ACAN: variants seen among roughly 807,000 people sequenced by gnomAD.
ACAN encodes aggrecan core protein.
A neutral mutation model predicts 169.1 loss-of-function variants in ACAN; 47 were observed. The ratio of observed to expected loss-of-function variants is 0.28; its 90% CI spans 0.22 to 0.35. ACAN has a LOEUF of 0.35. Ranked by LOEUF, ACAN falls within the 10% of genes least tolerant of loss-of-function variation. The pLI, the probability that ACAN is intolerant of heterozygous loss-of-function variation, is 1.00. For synonymous variants in ACAN, 1,115 were observed against 1,112.2 expected (o/e 1.00, Z -0.05); for missense variants, 2,716 against 2,759.9 (o/e 0.98, Z 0.36).
chr15:88,845,640 G>A lies in ACAN; in HGVS notation c.1187G>A (p.Ser396Asn), dbSNP rs371018764. The A allele has an allele frequency of 1.2e-6, 2 of 1,613,952 alleles. No homozygotes were observed. The highest frequency in any genetic ancestry group is 2.7e-5 in the African/African-American group (2 of 74,956). The change falls in exon 7 of 19, where the codon AGC becomes AAC. Residue 396 changes from serine (S) to asparagine (N), a missense_variant. By Grantham distance (46) the Ser-to-Asn change is conservative. Coordinates refer to ENST00000560601, the MANE Select transcript of ACAN (RefSeq NM_001369268.1). ...ATCACTGAGGGTGAAGCCCGAGGCA[G>A]CGTGATCCTTACCGTAAAGCCCATC... ...RNITEGEARG[S>N]VILTVKPIFE...
Position 88,845,677 on chromosome 15 carries a change from C to T in ACAN, c.1224C>T (p.Ser408=). Residue 408 remains serine (S), a synonymous_variant, in exon 7 of 19, where the codon TCC becomes TCT. Transcript: ENST00000560601. ...CCGTAAAGCCCATCTTCGAGGTCTC[C>T]CCCAGTCCCCTGGAACCCGAGGAGC... ...ILTVKPIFEV[S]PSPLEPEEPF... The T allele has an allele frequency of 2.5e-6, 4 of 1,614,032 alleles. No individual in the cohort carries two copies. The highest frequency in any genetic ancestry group is 1.6e-4 in the Middle Eastern group (1 of 6,062).
Position 88,861,863 on chromosome 15 carries a change from G to GT in ACAN, c.6946+1425dup, listed in dbSNP as rs1411031695. ...TAATAGGAGTAAGTGTCAGTGGGCC[G>GT]TAACTATTCTGCTGTAAGGACAGCC... On this transcript the variant is annotated intron_variant, in intron 13 of 18. Coordinates refer to ENST00000560601, the MANE Select transcript of ACAN (RefSeq NM_001369268.1). This position sits in a 1 kb window ranked among gnomAD's most constrained non-coding sequence, Gnocchi z 6.3. Among the ~76,000 whole-genome samples the GT allele has an allele frequency of 6.6e-6, 1 of 152,188 alleles. No individual in the cohort carries two copies. Among genetic ancestry groups the GT allele is most frequent in the Non-Finnish European group, 1.5e-5 (1 of 68,034 alleles).
In ACAN at chr15:88,838,148, C is replaced by G. The variant is rs775886953; in HGVS notation, c.71-515C>G. ...CAAACAGCAGAAGAGAGTGACTTGT[C>G]CCGGTGGCAAAATCAGGCTCGCACC... On this transcript the variant is annotated intron_variant, in intron 2 of 18. Coordinates refer to ENST00000560601, the MANE Select transcript of ACAN (RefSeq NM_001369268.1). This position sits in a 1 kb window ranked among gnomAD's most constrained non-coding sequence, Gnocchi z 5.1. Among the ~76,000 whole-genome samples, 1 of 152,132 alleles carries G rather than the reference C, an allele frequency of 6.6e-6. No homozygotes were observed. The highest frequency in any genetic ancestry group is 1.5e-5 in the Non-Finnish European group (1 of 68,028).
Position 88,839,112 on chromosome 15 carries a change from T to G in ACAN, c.454+66T>G. On this transcript the variant is annotated intron_variant, in intron 3 of 18. Coordinates refer to ENST00000560601, the MANE Select transcript of ACAN (RefSeq NM_001369268.1). This position sits in a 1 kb window ranked among gnomAD's most constrained non-coding sequence, Gnocchi z 4.5. ...TAAAGAACCAGAGCAGTCTCCGCAG[T>G]GCAGGCGCAGGCAGGCTGGCCTTCA... The G allele has an allele frequency of 1.9e-6, 3 of 1,560,856 alleles. No individual in the cohort carries two copies. Among genetic ancestry groups the G allele is most frequent in the Non-Finnish European group, 2.6e-6 (3 of 1,159,448 alleles).
chr15:88,859,860 C>T (rs542378302), intron 12 of ACAN, among the ~76,000 whole-genome samples: 29 of 152,264 alleles, frequency 1.9e-4, no homozygotes, highest in Non-Finnish European at 3.4e-4. Context: ...AGTAAATCTG[C>T]TGATGGTGTT....
At position 88,845,858 on chromosome 15, in the gene ACAN, C is replaced by G; in HGVS notation, c.1405C>G (p.Pro469Ala). The change falls in exon 7 of 19, where the codon CCT (proline) becomes GCT (alanine). Residue 469 changes from proline (P) to alanine (A), a missense_variant. Transcript: ENST00000560601. Reference protein sequence around the residue: ...EDLVVQVTAVPGQPHLPGGVV... With the variant: ...EDLVVQVTAVAGQPHLPGGVV... ...CCTCGTCGTGCAGGTGACCGCTGTC[C>G]CTGGGCAGCCGCATTTGCCAGGGGG... The G allele has an allele frequency of 3.4e-6, 5 of 1,460,378 alleles. No individual in the cohort carries two copies. Among genetic ancestry groups the G allele is most frequent in the Non-Finnish European group, 4.5e-6 (5 of 1,102,460 alleles). 90.5% of individuals were successfully genotyped at this position (1,460,378 alleles called of 1,614,324 possible). A position where few individuals can be genotyped will look rare whatever the true frequency, so the allele number is the denominator to read the frequency against.
intron 1 of ACAN, among the ~76,000 whole-genome samples, chr15:88,830,188 G>C (rs1348804103): frequency 1.3e-5 from 2 of 152,192 alleles, no homozygotes; most frequent in African/African-American, 4.8e-5. Flanking sequence ...ACTGGCCTTG[G>C]TTTTAGGGCC....
At position 88,840,014 on chromosome 15, in the gene ACAN, A is replaced by G; in HGVS notation, c.457A>G (p.Ile153Val). 6.3e-7 allele frequency: 1 copy of G among 1,598,176 alleles called. No homozygotes were observed. The highest frequency in any genetic ancestry group is 8.5e-7 in the Non-Finnish European group (1 of 1,171,902). The change falls in exon 4 of 19, where the codon ATC (isoleucine) becomes GTC (valine). Residue 153 changes from isoleucine to valine, a missense_variant and splice_region_variant. Around this residue, in one of 3 missense-constraint regions of ACAN, gnomAD observed 1,283 missense variants for 1,281.5 expected, o/e 1.00. Coordinates refer to ENST00000560601, the MANE Select transcript of ACAN (RefSeq NM_001369268.1). ...EATLEVVVKG[I>V]VFHYRAISTR... is the part of the protein sequence containing the mutation. ...GTGGGCGTGTATGTGTCTTGCAGGC[A>G]TCGTGTTCCATTACAGAGCCATCTC...
At chr15:88,833,168 G>A (rs887123731) in intron 1 of ACAN, among the ~76,000 whole-genome samples, 2 of 152,206 alleles carry the variant, frequency 1.3e-5, no homozygotes. Context: ...TCTGGCTGAT[G>A]AGGAGGTGAA....
chr15:88,865,412 G>A (rs1897263866), intron 13 of ACAN, among the ~76,000 whole-genome samples: 1 of 152,134 alleles, frequency 6.6e-6, no homozygotes, highest in African/African-American at 2.4e-5. Context: ...CACCTCACTT[G>A]TTTTCTTTCT....
At chr15:88,860,089 T>G (rs960655395) in intron 12 of ACAN, among the ~76,000 whole-genome samples, 1 of 148,498 alleles carries the variant, frequency 6.7e-6, no homozygotes, top group African/African-American at 2.5e-5. Flanking sequence ...TTTTTTTTTT[T>G]TTTTGCTCTG....
At chr15:88,842,214 T>C (rs1288943565) in intron 5 of ACAN, among the ~76,000 whole-genome samples, 1 of 152,092 alleles carries the variant, frequency 6.6e-6, no homozygotes, top group Non-Finnish European at 1.5e-5. Flanking sequence ...CACCATGCTG[T>C]CAAAGTCCAG....
In ACAN at chr15:88,871,911, C is replaced by T; in HGVS notation, c.7220-92C>T. The T allele has an allele frequency of 8.5e-7, 1 of 1,180,196 alleles. No homozygotes were observed. The highest frequency in any genetic ancestry group is 1.7e-5 in the Admixed American group (1 of 58,718). 73.1% of individuals were successfully genotyped at this position (1,180,196 alleles called of 1,614,324 possible). ...CCTAGGAGCCCACCCACCTCCTTTC[C>T]TCCTCCATCCCCTCTGCCTCCGTGA... On this transcript the variant is annotated intron_variant, in intron 15 of 18. Transcript: ENST00000560601. The surrounding 1 kb of genome is among the most constrained non-coding windows in gnomAD (Gnocchi z 7.8).
chr15:88,830,866 G>A (rs1259629754), intron 1 of ACAN, among the ~76,000 whole-genome samples: 2 of 152,112 alleles, frequency 1.3e-5, no homozygotes, highest in Admixed American at 6.5e-5. Flanking sequence ...GCACTATGAC[G>A]CTACAACGGC....
intron 1 of ACAN, among the ~76,000 whole-genome samples, chr15:88,810,106 G>C (rs1018754809): frequency 2.6e-5 from 4 of 152,140 alleles, no homozygotes; most frequent in African/African-American, 7.2e-5. Flanking sequence ...GAGTCCCAGA[G>C]AGCGGAGGAC....
chr15:88,833,641 T>C (rs952549430), intron 1 of ACAN, among the ~76,000 whole-genome samples: 3 of 152,024 alleles, frequency 2.0e-5, no homozygotes, highest in Non-Finnish European at 2.9e-5. Context: ...AGCATATTTA[T>C]TGCGATATTT....
chr15:88,874,710 T>C lies in ACAN; in HGVS notation c.*229T>C, dbSNP rs563997728. ...ATGCCAAAGCAAAGCAAACTTATTA[T>C]AACCCTTGGACTGAGTTTAGAGACA... On this transcript the variant is annotated 3_prime_UTR_variant, in exon 19 of 19. Transcript: ENST00000560601. This position sits in a 1 kb window ranked among gnomAD's most constrained non-coding sequence, Gnocchi z 7.3. 2.4e-4 allele frequency: 151 copies of C among 627,498 alleles called. No homozygotes were observed. The highest frequency in any genetic ancestry group is 2.1e-3 in the African/African-American group (117 of 55,542). 38.9% of individuals were successfully genotyped at this position (627,498 alleles called of 1,614,324 possible). A position where few individuals can be genotyped will look rare whatever the true frequency, so the allele number is the denominator to read the frequency against.
intron 1 of ACAN, among the ~76,000 whole-genome samples, chr15:88,825,312 G>A (rs1596120954): frequency 6.6e-6 from 1 of 152,138 alleles, no homozygotes; most frequent in Non-Finnish European, 1.5e-5. Context: ...TCTGGTGGGT[G>A]ACTTGGAAGG....
rs796820275 is a variant in ACAN at position 88,842,509 on chromosome 15, CAT to C, written c.757+643_757+644del. On this transcript the variant is annotated intron_variant, in intron 5 of 18. Coordinates refer to ENST00000560601, the MANE Select transcript of ACAN (RefSeq NM_001369268.1). ...AATGTCTATCTCCTCCCTCCCTGCC[CAT>C]CCCCCCTCCCCCCTACCTGAGCACA... is the stretch of plus-strand genomic sequence containing the variant. 5.6e-3 allele frequency among the ~76,000 whole-genome samples: 847 copies of C among 150,310 alleles called. 10 individuals carry two copies. Among genetic ancestry groups the C allele is most frequent in the African/African-American group, 0.018 (729 of 40,858 alleles).
Sources: gnomAD v4.1 joint callset for allele counts (sites outside exome capture counted in the v4.1 genomes callset) on GRCh38, gnomAD v4.1.1 for gene constraint, gnomAD v4.1.1 regional missense constraint, Gnocchi (gnomAD v3.1) non-coding constraint, MANE v1.5 for transcripts, NCBI Gene and HGNC (gene_info 2026-07-23, HGNC 2026-07-21) for gene names.